The following LINGO2 variants were observed in gnomAD, a reference collection of about 807,000 sequenced individuals.
LINGO2 encodes leucine rich repeat and Ig domain containing 2, also known as leucine-rich repeat and immunoglobulin-like domain-containing nogo receptor-interacting protein 2.
LINGO2 carries 14 observed loss-of-function variants against 30.6 expected under a neutral mutation model. The ratio of observed to expected loss-of-function variants is 0.46; its 90% CI spans 0.30 to 0.72. The LOEUF (loss-of-function observed/expected upper bound fraction) is 0.72. LINGO2 is among the 30% of genes least tolerant of loss of function. LINGO2 has a pLI of 0.07. For missense variants in LINGO2, 729 were observed against 751.7 expected, an observed-to-expected ratio of 0.97 and a Z score of 0.35; for synonymous variants, 317 against 288.5, an observed-to-expected ratio of 1.10 and a Z score of -1.00.
At chr9:28,459,921 T>C (rs1292268441) in intron 2 of LINGO2, among the ~76,000 whole-genome samples, 1 of 152,126 alleles carries the variant, frequency 6.6e-6, no homozygotes, top group Non-Finnish European at 1.5e-5. Flanking sequence ...ATATGTCCAA[T>C]AAAAACCAAT....
intron 2 of LINGO2, among the ~76,000 whole-genome samples, chr9:28,471,025 T>C (rs1022591093): frequency 4.0e-5 from 6 of 151,180 alleles, no homozygotes; most frequent in African/African-American, 1.5e-4. Context: ...GACTTGAGTA[T>C]TCATTTAGTG....
At chr9:29,213,032 T>C in the LINGO2 span, among the ~76,000 whole-genome samples, 1 of 152,000 alleles carries the variant, frequency 6.6e-6, no homozygotes, top group Non-Finnish European at 1.5e-5. Flanking sequence ...CTCTGAAGGC[T>C]CCTCCTTTCC....
intron 5 of LINGO2, among the ~76,000 whole-genome samples, chr9:27,951,259 C>T (rs1174955901): frequency 1.3e-5 from 2 of 152,190 alleles, no homozygotes; most frequent in South Asian, 2.1e-4. Flanking sequence ...TTCATGTATA[C>T]ATTTTCTACT....
rs914830254 is a variant in LINGO2, at chr9:28,609,418, G to A, written c.-365+60782C>T. ...GGTTCATATGAATCAATAATAAAAAGCAAACTTCCCCAAGACTTCTAGTTG... is the reference window on the plus strand; with the variant it reads ...GGTTCATATGAATCAATAATAAAAAACAAACTTCCCCAAGACTTCTAGTTG... On this transcript the variant is annotated intron_variant, in intron 1 of 5. Coordinates refer to ENST00000379992, the Ensembl canonical transcript of LINGO2. Among the ~76,000 whole-genome samples the A allele has an allele frequency of 5.3e-5, 8 of 151,476 alleles. No individual in the cohort carries two copies. In the Middle Eastern group the frequency reaches 0.01, roughly 193 times the overall value.
At chr9:28,940,996 G>A in the LINGO2 span, among the ~76,000 whole-genome samples, 110,583 of 149,744 alleles carry the variant, frequency 0.74, 41,018 homozygotes, top group Non-Finnish European at 0.78. Flanking sequence ...CTTTGCCCCA[G>A]TCACACTCTT....
At chr9:28,575,878 A>G (rs1823954943) in intron 1 of LINGO2, among the ~76,000 whole-genome samples, 1 of 151,790 alleles carries the variant, frequency 6.6e-6, no homozygotes, top group African/African-American at 2.4e-5. Flanking sequence ...ATTAATGACT[A>G]AAACACACTA....
At chr9:28,975,561 T>G in the LINGO2 span, among the ~76,000 whole-genome samples, 1 of 152,206 alleles carries the variant, frequency 6.6e-6, no homozygotes, top group African/African-American at 2.4e-5. Flanking sequence ...GAAACAGCCA[T>G]GTTATGCAAA....
At position 28,596,800 on chromosome 9, in the gene LINGO2, C is replaced by T. The variant is rs74679496; in HGVS notation, c.-365+73400G>A. ...CAGTCTGATAGTATAGTTCAAATGA[C>T]CCATTAATTACAACTTTGAAACAAA... On this transcript the variant is annotated intron_variant, in intron 1 of 5. Coordinates refer to ENST00000379992, the Ensembl canonical transcript of LINGO2. 8.3e-3 allele frequency among the ~76,000 whole-genome samples: 1,270 copies of T among 152,152 alleles called. 27 individuals are homozygous for T. The highest frequency in any genetic ancestry group is 0.052 in the East Asian group (267 of 5,172).
At chr9:28,855,111 T>A in the LINGO2 span, among the ~76,000 whole-genome samples, 2 of 151,988 alleles carry the variant, frequency 1.3e-5, 1 homozygote, top group Admixed American at 1.3e-4. Flanking sequence ...CAGAGATTGA[T>A]AAACGGGTTC....
chr9:28,983,132 T>C, the LINGO2 span, among the ~76,000 whole-genome samples: 1 of 151,992 alleles, frequency 6.6e-6, no homozygotes, highest in Admixed American at 6.6e-5. Context: ...CTGTGTGCCA[T>C]GTCTGGGCCA....
chr9:28,639,843 G>A (rs1827484198), intron 1 of LINGO2, among the ~76,000 whole-genome samples: 1 of 152,110 alleles, frequency 6.6e-6, no homozygotes, highest in African/African-American at 2.4e-5. Flanking sequence ...ATGGTTATGT[G>A]TGAATTTGAT....
At chr9:28,019,750 A>G (rs1185409800) in intron 4 of LINGO2, among the ~76,000 whole-genome samples, 1 of 152,150 alleles carries the variant, frequency 6.6e-6, no homozygotes, top group Non-Finnish European at 1.5e-5. Flanking sequence ...AAAATAATGT[A>G]TATATATGTG....
intron 2 of LINGO2, among the ~76,000 whole-genome samples, chr9:28,409,874 T>C (rs560225572): frequency 1.0e-3 from 81 of 77,642 alleles, no homozygotes; most frequent in African/African-American, 2.5e-3. Flanking sequence ...CATTTCACGA[T>C]AGAGAGGGAG....
chr9:28,673,753 A>G (rs927096774), upstream of LINGO2, among the ~76,000 whole-genome samples: 3 of 152,054 alleles, frequency 2.0e-5, no homozygotes, highest in Admixed American at 6.6e-5. Flanking sequence ...TCAGTTTCAT[A>G]AGAATTGGTA....
intron 4 of LINGO2, among the ~76,000 whole-genome samples, chr9:28,018,082 A>G (rs1324508235): frequency 1.3e-5 from 2 of 152,172 alleles, no homozygotes; most frequent in Non-Finnish European, 2.9e-5. Flanking sequence ...ACCTTTGACA[A>G]AGTCAACAAA....
intron 3 of LINGO2, among the ~76,000 whole-genome samples, chr9:28,295,892 T>A (rs898553145): frequency 6.6e-6 from 1 of 152,168 alleles, no homozygotes; most frequent in African/African-American, 2.4e-5. Flanking sequence ...TAGGATAATG[T>A]GTGAGAAACA....
At chr9:29,208,768 G>A in the LINGO2 span, among the ~76,000 whole-genome samples, 1 of 152,022 alleles carries the variant, frequency 6.6e-6, no homozygotes, top group African/African-American at 2.4e-5. Flanking sequence ...GAAAAAATAA[G>A]ACAGCTTTTC....
chr9:28,979,165 T>A, the LINGO2 span, among the ~76,000 whole-genome samples: 1 of 152,128 alleles, frequency 6.6e-6, no homozygotes, highest in African/African-American at 2.4e-5. Context: ...CTTTGAGCTA[T>A]AATTTGAAAA....
chr9:28,170,777 T>G (rs1828559238), intron 4 of LINGO2, among the ~76,000 whole-genome samples: 1 of 152,208 alleles, frequency 6.6e-6, no homozygotes, highest in Non-Finnish European at 1.5e-5. Flanking sequence ...GCTTTTATCA[T>G]CGCATTTCCT....
Sources: allele counts gnomAD v4.1 joint callset (sites outside exome capture counted in the v4.1 genomes callset), GRCh38; gene constraint gnomAD v4.1.1; transcripts MANE v1.5; gene names NCBI Gene and HGNC (gene_info 2026-07-23, HGNC 2026-07-21).